Variants in AMMECR1 observed in about 807,000 individuals in gnomAD.
AMMECR1 encodes the protein AMMECR nuclear protein 1, also known as nuclear protein AMMECR1.
Under a neutral mutation model 22.5 loss-of-function variants are expected in AMMECR1, and 3 were observed. The observed-to-expected ratio is 0.13, with a 90% CI of 0.06 to 0.35. The LOEUF (loss-of-function observed/expected upper bound fraction) is 0.35, where lower values mean the gene tolerates loss of function less well. Ranked by LOEUF, AMMECR1 falls within the 10% of genes least tolerant of loss-of-function variation. The pLI, the probability that AMMECR1 is intolerant of heterozygous loss-of-function variation, is 1.00. For synonymous variants in AMMECR1, 130 were observed against 116.7 expected, an observed-to-expected ratio of 1.11 and a Z score of -0.74; for missense variants, 235 against 278.7, an observed-to-expected ratio of 0.84 and a Z score of 1.12.
intron 2 of AMMECR1, among the ~76,000 whole-genome samples, chrX:110,237,546 A>C (rs2067608110): frequency 9.0e-6 from 1 of 111,640 alleles, no homozygotes; most frequent in South Asian, 3.8e-4. Flanking sequence ...ATTACTATGC[A>C]CCAGCACACA....
At chrX:110,411,188 A>G (rs182704691) in intron 2 of AMMECR1, among the ~76,000 whole-genome samples, 113 of 112,080 alleles carry the variant, frequency 1.0e-3, no homozygotes, top group African/African-American at 3.6e-3. Context: ...GGGTCAGGGA[A>G]GACTGTTCAA....
At chrX:110,338,614 T>G (rs1180179001) in intron 2 of AMMECR1, among the ~76,000 whole-genome samples, 1 of 111,897 alleles carries the variant, frequency 8.9e-6, no homozygotes, top group Non-Finnish European at 1.9e-5. Flanking sequence ...GTAACATCAG[T>G]ATTCAACCTG....
intron 1 of AMMECR1, among the ~76,000 whole-genome samples, chrX:110,288,523 A>G (rs1431817515): frequency 8.9e-6 from 1 of 112,172 alleles, no homozygotes; most frequent in Non-Finnish European, 1.9e-5. Context: ...TCTTCAAAGT[A>G]TAACTGCAAG....
intron 2 of AMMECR1, among the ~76,000 whole-genome samples, chrX:110,388,081 A>T (rs750496301): frequency 9.1e-6 from 1 of 109,985 alleles, no homozygotes; most frequent in Non-Finnish European, 1.9e-5. Flanking sequence ...GTTAGCCAGG[A>T]TGGTCTCGAT....
chrX:110,314,555 C>G (rs1479574397), intron 1 of AMMECR1, among the ~76,000 whole-genome samples: 1 of 111,502 alleles, frequency 9.0e-6, no homozygotes, highest in Non-Finnish European at 1.9e-5. Context: ...AATGTGCAGC[C>G]AAAGTTAAGA....
At chrX:110,335,330 C>T (rs1193372980) in intron 2 of AMMECR1, among the ~76,000 whole-genome samples, 2 of 110,799 alleles carry the variant, frequency 1.8e-5, no homozygotes, top group Admixed American at 9.6e-5. Context: ...GCAAGTCAGA[C>T]GATCACTAGG....
chrX:110,200,331 T>C (rs1422475085), intron 5 of AMMECR1, among the ~76,000 whole-genome samples: 4 of 111,860 alleles, frequency 3.6e-5, no homozygotes, highest in African/African-American at 1.3e-4. Flanking sequence ...GAGATGGAGG[T>C]ATTTCTGAAT....
In AMMECR1 at chrX:110,405,311, C is replaced by G. The variant is rs141102220; in HGVS notation, c.-148+21347G>C. ...GAGGGGAACATTAAAATTGGATAACCAAGAGCTCCCAGAGAGGGCCTCAAT... is the reference window on the plus strand; with the variant it reads ...GAGGGGAACATTAAAATTGGATAACGAAGAGCTCCCAGAGAGGGCCTCAAT... On this transcript the variant is annotated intron_variant, in intron 2 of 7. Coordinates refer to the AMMECR1 transcript ENST00000372057. 4.2e-4 allele frequency among the ~76,000 whole-genome samples: 47 copies of G among 111,740 alleles called. No homozygotes were observed. The East Asian group carries it at 0.013, about 31-fold the overall frequency.
At chrX:110,236,017 GA>G (rs1204761519) in intron 2 of AMMECR1, among the ~76,000 whole-genome samples, 6 of 104,649 alleles carry the variant, frequency 5.7e-5, no homozygotes, top group South Asian at 4.1e-4. Flanking sequence ...GTTAGGACTA[GA>G]AAAAAAAAAG....
chrX:110,296,718 C>T (rs1002914425), intron 1 of AMMECR1, among the ~76,000 whole-genome samples: 2 of 111,405 alleles, frequency 1.8e-5, no homozygotes, highest in African/African-American at 3.3e-5. Flanking sequence ...TTCTTTATAA[C>T]GTCTCTCTTT....
intron 2 of AMMECR1, among the ~76,000 whole-genome samples, chrX:110,345,058 T>C (rs1266489527): frequency 3.6e-5 from 4 of 112,011 alleles, no homozygotes; most frequent in African/African-American, 9.8e-5. Flanking sequence ...ATGTTTATTG[T>C]GGCACTATTC....
At chrX:110,340,181 C>T (rs762745644) in intron 2 of AMMECR1, among the ~76,000 whole-genome samples, 6 of 110,914 alleles carry the variant, frequency 5.4e-5, no homozygotes, top group Admixed American at 9.6e-5. Flanking sequence ...ACGATGATGA[C>T]GATAACAGTG....
At chrX:110,381,975 A>G (rs989012324) in intron 2 of AMMECR1, among the ~76,000 whole-genome samples, 1 of 111,402 alleles carries the variant, frequency 9.0e-6, no homozygotes, top group African/African-American at 3.3e-5. Flanking sequence ...CCCTTGTAAT[A>G]AACCTGTACA....
At chrX:110,408,414 C>T (rs971741269) in intron 2 of AMMECR1, among the ~76,000 whole-genome samples, 1 of 112,502 alleles carries the variant, frequency 8.9e-6, no homozygotes, top group Non-Finnish European at 1.9e-5. Context: ...CCAACGCCCA[C>T]GACAGACTTG....
chrX:110,304,647 C>T (rs1447820876), intron 1 of AMMECR1, among the ~76,000 whole-genome samples: 1 of 112,055 alleles, frequency 8.9e-6, no homozygotes, highest in African/African-American at 3.2e-5. Context: ...ACATTCACAA[C>T]ATTAAAGGTG....
At chrX:110,430,115 C>T (rs2068786297) in intron 1 of AMMECR1, among the ~76,000 whole-genome samples, 1 of 112,129 alleles carries the variant, frequency 8.9e-6, no homozygotes, top group African/African-American at 3.2e-5. Context: ...TTGTTTAGTC[C>T]CAAAGGCAAG....
chrX:110,197,571 TAA>T lies in AMMECR1; in HGVS notation c.*947_*948del, dbSNP rs2067376884. 1 of 112,050 alleles carries T rather than the reference TAA, an allele frequency of 8.9e-6. No homozygotes were observed. The highest frequency in any genetic ancestry group is 3.7e-4 in the South Asian group (1 of 2,726). 9.2% of individuals were successfully genotyped at this position (112,050 alleles called of 1,213,427 possible). ...TCTTCTGTTTCACATATAGAAACAATAAAGTTTTACAAGAATATTTTTCTAAA... is the reference window on the plus strand; with the variant it reads ...TCTTCTGTTTCACATATAGAAACAATAGTTTTACAAGAATATTTTTCTAAA... On this transcript the variant is annotated 3_prime_UTR_variant, in exon 6 of 6. Coordinates refer to ENST00000262844, the MANE Select transcript of AMMECR1 (RefSeq NM_015365.3).
At chrX:110,244,292 A>G in intron 2 of AMMECR1, among the ~76,000 whole-genome samples, 1 of 111,879 alleles carries the variant, frequency 8.9e-6, no homozygotes, top group Non-Finnish European at 1.9e-5. Context: ...TCCATCCTAT[A>G]TATTAATACA....
intron 3 of AMMECR1, among the ~76,000 whole-genome samples, chrX:110,206,403 C>G (rs985563479): frequency 1.8e-5 from 2 of 111,780 alleles, no homozygotes; most frequent in Non-Finnish European, 3.8e-5. Flanking sequence ...TTTAAAAGTA[C>G]CTTCTCCCAT....
Sources: allele counts gnomAD v4.1 joint callset (sites outside exome capture counted in the v4.1 genomes callset), GRCh38; gene constraint gnomAD v4.1.1; transcripts MANE v1.5; gene names NCBI Gene and HGNC (gene_info 2026-07-23, HGNC 2026-07-21).